Variants in TENM2 observed in about 807,000 individuals in gnomAD.
TENM2 encodes teneurin-2.
TENM2 carries 52 observed loss-of-function variants against 245.2 expected under a neutral mutation model. The observed-to-expected ratio is 0.21, with a 90% CI of 0.17 to 0.27. TENM2 has a LOEUF of 0.27. Ranked by LOEUF, TENM2 falls within the 10% of genes least tolerant of loss-of-function variation. The pLI is 1.00. For missense variants in TENM2, 3,046 were observed against 3,666.8 expected, an observed-to-expected ratio of 0.83 and a Z score of 4.37; for synonymous variants, 1,363 against 1,438.9, an observed-to-expected ratio of 0.95 and a Z score of 1.19.
chr5:167,438,337 A>G (rs1436236019), intron 2 of TENM2, among the ~76,000 whole-genome samples: 1 of 152,152 alleles, frequency 6.6e-6, no homozygotes, highest in Admixed American at 6.5e-5. Flanking sequence ...AAGTGCATGT[A>G]GGCACTTCAC....
chr5:168,118,822 CTT>C (rs1795273579), intron 10 of TENM2, among the ~76,000 whole-genome samples: 1 of 152,096 alleles, frequency 6.6e-6, no homozygotes, highest in African/African-American at 2.4e-5. Flanking sequence ...CCTTCCTTCT[CTT>C]TCTTTTCCTC....
intron 2 of TENM2, among the ~76,000 whole-genome samples, chr5:167,398,089 C>T (rs544595459): frequency 6.6e-6 from 1 of 152,246 alleles, no homozygotes; most frequent in African/African-American, 2.4e-5. Context: ...CTGCGACTAA[C>T]TAGCTATATG....
intron 5 of TENM2, among the ~76,000 whole-genome samples, chr5:168,013,636 A>C (rs1013241304): frequency 1.9e-5 from 2 of 103,428 alleles, no homozygotes; most frequent in Non-Finnish European, 4.3e-5. Flanking sequence ...CAAAACAAAA[A>C]GCCAAGTTTC....
intron 5 of TENM2, among the ~76,000 whole-genome samples, chr5:168,020,621 G>A (rs1786058965): frequency 6.6e-6 from 1 of 152,124 alleles, no homozygotes; most frequent in South Asian, 2.1e-4. Flanking sequence ...CTTCACCTTG[G>A]GGAGTGTCTT....
At position 167,672,170 on chromosome 5, in the gene TENM2, AAACAAAAGACAATTTCATAAAAT is replaced by A. The variant is rs562856725; in HGVS notation, c.503-203800_503-203778del. Among the ~76,000 whole-genome samples the A allele has an allele frequency of 3.7e-3, 570 of 152,198 alleles. 3 individuals carry two copies. The highest frequency in any genetic ancestry group is 0.013 in the African/African-American group (546 of 41,540). On this transcript the variant is annotated intron_variant, in intron 2 of 28. Coordinates refer to ENST00000518659, the Ensembl canonical transcript of TENM2. ...CAAACTGGTAACTAGGGCATCAACAAAACAAAAGACAATTTCATAAAATAACAAAAGACAATTTTATAAAATAA... is the reference window on the plus strand; with the variant it reads ...CAAACTGGTAACTAGGGCATCAACAAAACAAAAGACAATTTTATAAAATAA...
intron 12 of TENM2, among the ~76,000 whole-genome samples, chr5:168,140,085 G>A (rs935974184): frequency 3.9e-5 from 6 of 152,156 alleles, no homozygotes; most frequent in Admixed American, 3.9e-4. Flanking sequence ...GACAGCTTTG[G>A]CTTCTCTTGT....
At chr5:167,137,808 A>G in the TENM2 span, among the ~76,000 whole-genome samples, 1 of 152,164 alleles carries the variant, frequency 6.6e-6, no homozygotes, top group Non-Finnish European at 1.5e-5. Flanking sequence ...CTATTAACAG[A>G]AACTAGTCAT....
Position 167,436,104 on chromosome 5 carries a change from G to A in TENM2, c.502+60631G>A, listed in dbSNP as rs112561379. ...AGCGATTCTCCTGCCTCAGCCTCCC[G>A]AGTAGCTGGGGTTACAGTTGCCCAC... On this transcript the variant is annotated intron_variant, in intron 2 of 28. Coordinates refer to ENST00000518659, the Ensembl canonical transcript of TENM2. 8.3e-3 allele frequency among the ~76,000 whole-genome samples: 1,238 copies of A among 148,886 alleles called. 13 individuals are homozygous for A. The highest frequency in any genetic ancestry group is 0.028 in the African/African-American group (1,125 of 40,440).
At chr5:168,219,263 A>C (rs1253085040) in intron 23 of TENM2, among the ~76,000 whole-genome samples, 1 of 152,190 alleles carries the variant, frequency 6.6e-6, no homozygotes, top group East Asian at 1.9e-4. Flanking sequence ...AGGATATTGG[A>C]CATGCACAGC....
chr5:167,076,644 A>G, the TENM2 span, among the ~76,000 whole-genome samples: 2 of 152,200 alleles, frequency 1.3e-5, no homozygotes. Context: ...ATAAGTGACC[A>G]AGTCTCTTTT....
At chr5:167,406,283 G>C (rs1352570813) in intron 2 of TENM2, among the ~76,000 whole-genome samples, 3 of 152,148 alleles carry the variant, frequency 2.0e-5, no homozygotes, top group African/African-American at 7.2e-5. Context: ...ATGGAAATCA[G>C]CTGCTGCTTC....
chr5:167,179,080 A>G, the TENM2 span, among the ~76,000 whole-genome samples: 1 of 152,194 alleles, frequency 6.6e-6, no homozygotes, highest in Non-Finnish European at 1.5e-5. Context: ...AAGCTGTTAT[A>G]CTTTGTGATT....
intron 4 of TENM2, among the ~76,000 whole-genome samples, chr5:167,982,840 A>G (rs919690146): frequency 6.6e-6 from 1 of 152,214 alleles, no homozygotes; most frequent in Non-Finnish European, 1.5e-5. Flanking sequence ...ATGTAATCAC[A>G]TGAAGCAGAA....
intron 2 of TENM2, among the ~76,000 whole-genome samples, chr5:167,469,973 A>T (rs543979027): frequency 6.6e-6 from 1 of 152,288 alleles, no homozygotes; most frequent in Non-Finnish European, 1.5e-5. Flanking sequence ...CTCTATGCAC[A>T]TATAATATTT....
At chr5:167,898,848 G>A (rs1285424168) in intron 3 of TENM2, among the ~76,000 whole-genome samples, 1 of 152,158 alleles carries the variant, frequency 6.6e-6, no homozygotes, top group Non-Finnish European at 1.5e-5. Flanking sequence ...CCCTTCTTAG[G>A]AAAAGCAAGA....
At chr5:167,529,357 G>A (rs1771339683) in intron 2 of TENM2, among the ~76,000 whole-genome samples, 1 of 152,126 alleles carries the variant, frequency 6.6e-6, no homozygotes. Flanking sequence ...TAAAAAGATT[G>A]AGGTGTGATC....
chr5:167,774,029 G>A (rs1180442047), intron 2 of TENM2, among the ~76,000 whole-genome samples: 1 of 152,014 alleles, frequency 6.6e-6, no homozygotes, highest in African/African-American at 2.4e-5. Context: ...ATAAGGGCAT[G>A]CCTAGAAGAT....
the TENM2 span, among the ~76,000 whole-genome samples, chr5:167,267,509 C>T: frequency 1.3e-5 from 2 of 152,118 alleles, no homozygotes; most frequent in Non-Finnish European, 1.5e-5. Flanking sequence ...GAATATTCCC[C>T]TCTCAAAAAT....
chr5:167,757,468 C>A (rs1762383697), intron 2 of TENM2, among the ~76,000 whole-genome samples: 1 of 152,152 alleles, frequency 6.6e-6, no homozygotes, highest in African/African-American at 2.4e-5. Flanking sequence ...ATATGTGCCA[C>A]ATTTTCTTTA....
Sources: gnomAD v4.1 joint callset for allele counts (sites outside exome capture counted in the v4.1 genomes callset) on GRCh38, gnomAD v4.1.1 for gene constraint, MANE v1.5 for transcripts, NCBI Gene and HGNC (gene_info 2026-07-23, HGNC 2026-07-21) for gene names.